The following WDHD1 variants were observed in gnomAD, a reference collection of about 807,000 sequenced individuals.
The protein encoded by WDHD1 is WD repeat and HMG-box DNA-binding protein 1.
In WDHD1, 111 loss-of-function variants were observed where a neutral mutation model predicts 135.4. The ratio of observed to expected loss-of-function variants is 0.82; its 90% CI spans 0.70 to 0.96. The LOEUF is 0.96. WDHD1 is among the 40% of genes least tolerant of loss of function. The pLI is 0.00. For synonymous variants in WDHD1, 434 were observed against 439.0 expected (o/e 0.99, Z 0.14); for missense variants, 1,351 against 1,336.3 (o/e 1.01, Z -0.17).
At chr14:54,952,410 AAATACC>A (rs1237695753) in intron 24 of WDHD1, among the ~76,000 whole-genome samples, 2 of 152,220 alleles carry the variant, frequency 1.3e-5, no homozygotes, top group Admixed American at 1.3e-4. Context: ...AAAGAGAATA[AAATACC>A]TAGGAATCCA....
chr14:54,996,370 A>C (rs553348369), intron 10 of WDHD1, among the ~76,000 whole-genome samples: 75 of 152,166 alleles, frequency 4.9e-4, no homozygotes, highest in African/African-American at 1.7e-3. Context: ...CACTTTGGGA[A>C]GCCGAAGCAG....
At position 54,940,788 on chromosome 14, in the gene WDHD1, G is replaced by A. The variant is rs961079889; in HGVS notation, c.*702C>T. ...TCTTCTCTACTGTGTATAATGCAGA[G>A]CAAAATGGGGGTGGTGGTAGAAATT... On this transcript the variant is annotated 3_prime_UTR_variant, in exon 26 of 26. Transcript: ENST00000360586. 2.0e-4 allele frequency: 30 copies of A among 152,154 alleles called. No homozygotes were observed. The highest frequency in any genetic ancestry group is 7.2e-4 in the African/African-American group (30 of 41,490). 9.4% of individuals were successfully genotyped at this position (152,154 alleles called of 1,614,324 possible).
At chr14:54,958,179 G>A (rs2041192293) in intron 21 of WDHD1, among the ~76,000 whole-genome samples, 1 of 151,590 alleles carries the variant, frequency 6.6e-6, no homozygotes, top group Admixed American at 6.6e-5. Flanking sequence ...CAAGCTGGAG[G>A]GCAATGGTGT....
chr14:54,951,142 G>A (rs563595126), intron 24 of WDHD1, among the ~76,000 whole-genome samples: 128 of 152,074 alleles, frequency 8.4e-4, no homozygotes, highest in Non-Finnish European at 1.3e-3. Flanking sequence ...AGAAATAACT[G>A]AGATCAGAGC....
intron 2 of WDHD1, among the ~76,000 whole-genome samples, chr14:55,014,713 A>G (rs1474249231): frequency 1.3e-5 from 2 of 152,184 alleles, no homozygotes; most frequent in East Asian, 3.9e-4. Context: ...TACATAATAA[A>G]ATACAAAAAT....
chr14:54,944,346 T>C lies in WDHD1; in HGVS notation c.3175A>G (p.Thr1059Ala), dbSNP rs146924980. The C allele has an allele frequency of 3.0e-4, 487 of 1,603,920 alleles. 6 individuals are homozygous for C. In the East Asian group the frequency reaches 0.011, roughly 36 times the overall value. The part of the protein sequence containing the change: ...EGMIRFRVLS[T>A]EERKVWANKA... ...ATTATCCTTACCTTTCTTTCTTCAG[T>C]TGACAATACTCTAAATCGAATCATT... Residue 1059 changes from threonine (T) to alanine (A), a missense_variant, in exon 25 of 26, where the codon ACT becomes GCT. Coordinates refer to ENST00000360586, the MANE Select transcript of WDHD1 (RefSeq NM_007086.4).
At chr14:55,006,807 T>G (rs191892824) in intron 7 of WDHD1, among the ~76,000 whole-genome samples, 5 of 152,300 alleles carry the variant, frequency 3.3e-5, no homozygotes, top group Admixed American at 2.6e-4. Flanking sequence ...AAATGTTTCT[T>G]AAAGCATTTC....
At chr14:54,997,524 A>G (rs1331896780) in intron 10 of WDHD1, among the ~76,000 whole-genome samples, 1 of 152,216 alleles carries the variant, frequency 6.6e-6, no homozygotes, top group Non-Finnish European at 1.5e-5. Context: ...ATTAATAACT[A>G]AGTGCTATAA....
rs1013309862 is a variant in WDHD1, at chr14:54,940,761, G to A, written c.*729C>T. ...CAATACTGTCACAGCAGTGTCTTCA[G>A]TTCTTCTCTACTGTGTATAATGCAG... On this transcript the variant is annotated 3_prime_UTR_variant, in exon 26 of 26. Transcript: ENST00000360586. 6.6e-6 allele frequency: 1 copy of A among 152,082 alleles called. No individual in the cohort carries two copies. The highest frequency in any genetic ancestry group is 2.4e-5 in the African/African-American group (1 of 41,416). The allele number at this position is 152,082 out of a possible 1,614,324, so 9.4% of individuals were successfully genotyped here. A position where few individuals can be genotyped will look rare whatever the true frequency, so the allele number is the denominator to read the frequency against.
chr14:55,014,723 T>C (rs1021582369), intron 2 of WDHD1, among the ~76,000 whole-genome samples: 10 of 151,774 alleles, frequency 6.6e-5, no homozygotes. Flanking sequence ...AATACAAAAA[T>C]AACATATAAT....
chr14:54,959,171 T>C (rs941227750), intron 21 of WDHD1, among the ~76,000 whole-genome samples: 5 of 151,684 alleles, frequency 3.3e-5, no homozygotes, highest in African/African-American at 1.2e-4. Context: ...AGTTTAAGAC[T>C]AGCATGGGTA....
chr14:55,011,081 A>G (rs2042160979), intron 3 of WDHD1, among the ~76,000 whole-genome samples: 2 of 152,238 alleles, frequency 1.3e-5, no homozygotes, highest in African/African-American at 4.8e-5. Flanking sequence ...GAACTGTGAG[A>G]TAATTTTCTG....
intron 16 of WDHD1, among the ~76,000 whole-genome samples, chr14:54,975,242 A>T (rs2041506440): frequency 6.6e-6 from 1 of 152,260 alleles, no homozygotes; most frequent in Non-Finnish European, 1.5e-5. Context: ...TGTATTAACC[A>T]GTAGTGTCAT....
intron 16 of WDHD1, among the ~76,000 whole-genome samples, chr14:54,980,942 C>T (rs2041609044): frequency 6.6e-6 from 1 of 151,880 alleles, no homozygotes; most frequent in South Asian, 2.1e-4. Flanking sequence ...AACCCCCTCT[C>T]TACTAAAAAT....
chr14:54,996,199 G>A (rs2041875962), intron 10 of WDHD1, among the ~76,000 whole-genome samples: 1 of 152,014 alleles, frequency 6.6e-6, no homozygotes, highest in South Asian at 2.1e-4. Flanking sequence ...CTTTTATTTT[G>A]AACAAAATAC....
rs147315592 is a variant in WDHD1 at position 54,955,263 on chromosome 14, C to T, written c.3050+298G>A. 2.3e-3 allele frequency among the ~76,000 whole-genome samples: 354 copies of T among 152,122 alleles called. 2 individuals carry two copies. Among genetic ancestry groups the T allele is most frequent in the African/African-American group, 8.1e-3 (336 of 41,490 alleles). ...ATCACTCTTCTTTTTGTATCTTTTG[C>T]TATTTCTCCCCATTAAACTATTTAA... On this transcript the variant is annotated intron_variant, in intron 24 of 25. Coordinates refer to ENST00000360586, the MANE Select transcript of WDHD1 (RefSeq NM_007086.4).
intron 14 of WDHD1, 38 bp from the exon 15 acceptor site, chr14:54,984,898 G>T: frequency 6.2e-7 from 1 of 1,600,684 alleles, no homozygotes; most frequent in Non-Finnish European, 8.5e-7. Flanking sequence ...GGCATCAAAG[G>T]TTATCCAACT....
At chr14:55,022,970 GC>G (rs2042374775) in intron 2 of WDHD1, among the ~76,000 whole-genome samples, 1 of 151,732 alleles carries the variant, frequency 6.6e-6, no homozygotes, top group Non-Finnish European at 1.5e-5. Flanking sequence ...GATTACAGGT[GC>G]CTGCCACTGT....
intron 16 of WDHD1, among the ~76,000 whole-genome samples, chr14:54,971,999 C>G (rs1313294332): frequency 6.6e-6 from 1 of 151,958 alleles, no homozygotes; most frequent in Non-Finnish European, 1.5e-5. Flanking sequence ...CCAGCCTGGG[C>G]AACATGGCAA....
Sources: gnomAD v4.1 joint callset for allele counts (sites outside exome capture counted in the v4.1 genomes callset) on GRCh38, gnomAD v4.1.1 for gene constraint, MANE v1.5 for transcripts, NCBI Gene and HGNC (gene_info 2026-07-23, HGNC 2026-07-21) for gene names.